EPS15: variants seen among roughly 807,000 people sequenced by gnomAD.
EPS15 encodes the protein epidermal growth factor receptor pathway substrate 15, also known as epidermal growth factor receptor substrate 15.
A neutral mutation model predicts 113.8 loss-of-function variants in EPS15; 72 were observed. The observed-to-expected ratio is 0.63, with a 90% CI of 0.52 to 0.77. The LOEUF is 0.77. Among genes scored for constraint, EPS15 ranks in the 30% least tolerant of loss-of-function variants. The pLI is 0.00. For missense variants in EPS15, 1,048 were observed against 1,045.8 expected (o/e 1.00, Z -0.03); for synonymous variants, 344 against 363.4 (o/e 0.95, Z 0.61).
rs147146180 is a variant in EPS15 at position 51,463,782 on chromosome 1, T to C, written c.392A>G (p.Lys131Arg). 2.4e-4 allele frequency: 379 copies of C among 1,597,710 alleles called. 1 individual carries two copies. The African/African-American group carries it at 4.2e-3, about 18-fold the overall frequency. ...TAAACTATCAAATATTGCATCATATTTGGCCTTATCTTCAGGCTACAATAA... is the reference window on the plus strand; with the variant it reads ...TAAACTATCAAATATTGCATCATATCTGGCCTTATCTTCAGGCTACAATAA... ...PWAVKPEDKA[K>R]YDAIFDSLSP... Residue 131 changes from lysine to arginine, a missense_variant, in exon 7 of 25, where the codon AAA becomes AGA. By Grantham distance (26) the Lys-to-Arg change is conservative. Coordinates refer to ENST00000371733, the MANE Select transcript of EPS15 (RefSeq NM_001981.3).
chr1:51,461,153 T>C lies in EPS15; in HGVS notation c.502-3A>G, dbSNP rs766420458. Reference sequence around the variant, plus strand: ...TCAATATCACTCAACTCCCAAACCTTAAAAAGAGAATAATTGAAAAAAGAT... The same window carrying C: ...TCAATATCACTCAACTCCCAAACCTCAAAAAGAGAATAATTGAAAAAAGAT... On this transcript the variant is annotated splice_region_variant and splice_polypyrimidine_tract_variant and intron_variant, in intron 7 of 24. Coordinates refer to ENST00000371733, the MANE Select transcript of EPS15 (RefSeq NM_001981.3). The C allele has an allele frequency of 1.9e-6, 3 of 1,585,808 alleles. No individual in the cohort carries two copies. In the South Asian group the frequency reaches 3.3e-5, roughly 18 times the overall value.
In EPS15 at chr1:51,354,877, T is replaced by C. The variant is rs534352373; in HGVS notation, c.*1823A>G. The C allele has an allele frequency of 4.9e-6, 1 of 202,028 alleles. No homozygotes were observed. Among genetic ancestry groups the C allele is most frequent in the Admixed American group, 6.0e-5 (1 of 16,648 alleles). The allele number at this position is 202,028 out of a possible 1,614,324, so 12.5% of individuals were successfully genotyped here. A position where few individuals can be genotyped will look rare whatever the true frequency, so the allele number is the denominator to read the frequency against. On this transcript the variant is annotated 3_prime_UTR_variant, in exon 25 of 25. Transcript: ENST00000371733. ...TTTAATATTTGAGTTTAATTGAAAA[T>C]TTTTTTGAAGCATTTAAACATTTGC...
At chr1:51,498,741 C>G (rs1054970015) in intron 1 of EPS15, among the ~76,000 whole-genome samples, 3 of 152,190 alleles carry the variant, frequency 2.0e-5, no homozygotes, top group Non-Finnish European at 4.4e-5. Flanking sequence ...TCACTCCTCT[C>G]TCCCCCAGTC....
At chr1:51,417,761 C>G (rs1292791917) in intron 13 of EPS15, among the ~76,000 whole-genome samples, 1 of 152,142 alleles carries the variant, frequency 6.6e-6, no homozygotes, top group African/African-American at 2.4e-5. Flanking sequence ...AGAGAACATT[C>G]TGGACTATAA....
intron 13 of EPS15, among the ~76,000 whole-genome samples, chr1:51,418,778 T>C (rs960570408): frequency 1.3e-5 from 2 of 152,170 alleles, no homozygotes; most frequent in African/African-American, 4.8e-5. Flanking sequence ...CATTTTATTC[T>C]TACATCAGCT....
rs147849742 is a variant in EPS15, at chr1:51,411,800, G to A, written c.1114-2104C>T. ...CAACCATTGTGGAAGACAGTCTGGC[G>A]ATTCCTCAAGGATCTAGAACCAGAA... is the stretch of plus-strand genomic sequence containing the variant. On this transcript the variant is annotated intron_variant, in intron 13 of 24. Transcript: ENST00000371733. Among the ~76,000 whole-genome samples the A allele has an allele frequency of 7.1e-3, 1,076 of 152,202 alleles. 7 individuals carry two copies. The highest frequency in any genetic ancestry group is 0.025 in the African/African-American group (1,033 of 41,524).
intron 1 of EPS15, among the ~76,000 whole-genome samples, chr1:51,494,690 G>C (rs936229984): frequency 6.6e-6 from 1 of 152,190 alleles, no homozygotes; most frequent in African/African-American, 2.4e-5. Flanking sequence ...ATTAGGGAAG[G>C]ATCTGTTCCA....
chr1:51,441,785 T>C (rs1652616823), intron 11 of EPS15, among the ~76,000 whole-genome samples: 2 of 152,174 alleles, frequency 1.3e-5, no homozygotes, highest in Non-Finnish European at 2.9e-5. Flanking sequence ...TGCTCAAAGT[T>C]GAACCCAGCC....
In EPS15 at chr1:51,354,916, G is replaced by A. The variant is rs41292517; in HGVS notation, c.*1784C>T. 0.021 allele frequency: 4,456 copies of A among 208,138 alleles called. 78 individuals carry two copies. The highest frequency in any genetic ancestry group is 0.031 in the Non-Finnish European group (3,124 of 101,938). 12.9% of individuals were successfully genotyped at this position (208,138 alleles called of 1,614,324 possible). ...TTAAACATTTGCTTATTTTCCCAGT[G>A]CAAAAGAAAGTTGTTCAAGTCAACT... On this transcript the variant is annotated 3_prime_UTR_variant, in exon 25 of 25. Transcript: ENST00000371733.
At chr1:51,420,033 A>G (rs1260769887) in intron 13 of EPS15, among the ~76,000 whole-genome samples, 1 of 152,086 alleles carries the variant, frequency 6.6e-6, no homozygotes, top group African/African-American at 2.4e-5. Flanking sequence ...TTCATTGATT[A>G]TTACTTGGTC....
rs755467318 is a variant in EPS15, at chr1:51,416,847, T to C, written c.1113+4939A>G. On this transcript the variant is annotated intron_variant, in intron 13 of 24. Transcript: ENST00000371733. Reference sequence around the variant, plus strand: ...TATCAGTAATATATTTTATATATTATACATAATTATATAATTATTTATTTT... The same window carrying C: ...TATCAGTAATATATTTTATATATTACACATAATTATATAATTATTTATTTT... Among the ~76,000 whole-genome samples the C allele has an allele frequency of 3.7e-4, 55 of 150,172 alleles. 1 individual carries two copies. In the Middle Eastern group the frequency reaches 0.011, roughly 29 times the overall value.
chr1:51,508,179 A>G (rs1342079853), intron 1 of EPS15, among the ~76,000 whole-genome samples: 6 of 141,412 alleles, frequency 4.2e-5, no homozygotes, highest in African/African-American at 1.6e-4. Context: ...AGACTCAGTC[A>G]CAAAAAGAGA....
intron 21 of EPS15, among the ~76,000 whole-genome samples, chr1:51,378,161 T>C (rs1251659846): frequency 1.3e-5 from 2 of 151,994 alleles, no homozygotes; most frequent in Non-Finnish European, 2.9e-5. Context: ...CCTCCCAAAG[T>C]GCTGGGATTA....
chr1:51,499,028 T>C (rs1208320258), intron 1 of EPS15, among the ~76,000 whole-genome samples: 1 of 152,192 alleles, frequency 6.6e-6, no homozygotes, highest in Non-Finnish European at 1.5e-5. Context: ...TTCATCCCTT[T>C]TACGCCCTTC....
At chr1:51,373,098 T>C (rs558731074) in intron 21 of EPS15, 1 of 179,678 alleles carries the variant, frequency 5.6e-6, no homozygotes, top group Admixed American at 6.1e-5. Context: ...AGATTGCCAA[T>C]CAGGATGTAG....
At chr1:51,447,964 TGCC>T (rs981691476) in intron 9 of EPS15, 79 bp downstream of exon 9, 335 of 1,529,192 alleles carry the variant, frequency 2.2e-4, no homozygotes, top group Non-Finnish European at 2.9e-4. Context: ...GTAGGTAAAA[TGCC>T]TACAGATGGT....
At chr1:51,439,097 T>C (rs1357053093) in intron 12 of EPS15, among the ~76,000 whole-genome samples, 1 of 152,044 alleles carries the variant, frequency 6.6e-6, no homozygotes, top group Non-Finnish European at 1.5e-5. Context: ...TATAGCCCTC[T>C]TGCCAAAATA....
At position 51,477,972 on chromosome 1, in the gene EPS15, G is replaced by A. The variant is rs963072755; in HGVS notation, c.75+3301C>T. ...AGTTCTGTAGAGGTCTATTAGGTCCGGTTGGTGCAGAGCTGAGTTCAATTC... is the reference window on the plus strand; with the variant it reads ...AGTTCTGTAGAGGTCTATTAGGTCCAGTTGGTGCAGAGCTGAGTTCAATTC... On this transcript the variant is annotated intron_variant, in intron 2 of 24. Transcript: ENST00000371733. 5.3e-5 allele frequency among the ~76,000 whole-genome samples: 8 copies of A among 152,062 alleles called. 1 individual carries two copies. Among genetic ancestry groups the A allele is most frequent in the African/African-American group, 9.7e-5 (4 of 41,394 alleles).
chr1:51,393,676 T>G (rs1169424196), intron 21 of EPS15, among the ~76,000 whole-genome samples: 1 of 152,272 alleles, frequency 6.6e-6, no homozygotes, highest in African/African-American at 2.4e-5. Flanking sequence ...CCTCAAATTT[T>G]CTGCTCTCCC....
Sources: allele counts gnomAD v4.1 joint callset (sites outside exome capture counted in the v4.1 genomes callset), GRCh38; gene constraint gnomAD v4.1.1; transcripts MANE v1.5; gene names NCBI Gene and HGNC (gene_info 2026-07-23, HGNC 2026-07-21).